CA5B: variants seen among roughly 807,000 people sequenced by gnomAD.
CA5B encodes the protein carbonic anhydrase 5B, mitochondrial.
A neutral mutation model predicts 23.1 loss-of-function variants in CA5B; 15 were observed. That is an observed-to-expected ratio of 0.65 (90% confidence interval 0.43 to 1.00). The LOEUF (loss-of-function observed/expected upper bound fraction) is 1.00, where lower values mean the gene tolerates loss of function less well. CA5B is among the 50% of genes least tolerant of loss of function. The probability of loss-of-function intolerance (pLI) is 0.00; values close to 1 mark genes in which losing one functional copy is unlikely to be tolerated. For missense variants in CA5B, 236 were observed against 252.2 expected (o/e 0.94, Z 0.43); for synonymous variants, 84 against 98.5 (o/e 0.85, Z 0.87).
At chrX:15,767,019 G>A in intron 3 of CA5B, 6 of 644,314 alleles carry the variant, frequency 9.3e-6, no homozygotes, top group Non-Finnish European at 1.1e-5. Flanking sequence ...TGACTGTCTG[G>A]CACTCTGGTG....
At chrX:15,781,247 G>A (rs959081708) in intron 7 of CA5B, among the ~76,000 whole-genome samples, 2 of 111,100 alleles carry the variant, frequency 1.8e-5, no homozygotes, top group Non-Finnish European at 3.8e-5. Context: ...AAAGTGCTGG[G>A]ATTACAAATG....
In CA5B at chrX:15,741,618, G is replaced by A. The variant is rs765564157; in HGVS notation, c.-54+3266G>A. On this transcript the variant is annotated intron_variant, in intron 1 of 7. Transcript: ENST00000318636. ...CTCAGCCTCCCGAGTACAGGCGCCC[G>A]CCACCACGCCTGGCTCATTTTTGTA... 4.2e-3 allele frequency among the ~76,000 whole-genome samples: 464 copies of A among 109,365 alleles called. 2 individuals carry two copies. The highest frequency in any genetic ancestry group is 0.014 in the Middle Eastern group (3 of 211). The allele number at this position is 109,365 out of a possible 115,157, so 95.0% of individuals were successfully genotyped here.
chrX:15,764,663 T>C lies in CA5B; in HGVS notation c.228T>C (p.Tyr76=), dbSNP rs978374995. ...ACATTCGGTGGAGGGACAGTGTTTATGATCCCGGCTTAAAACCACTGACCA... is the reference window on the plus strand; with the variant it reads ...ACATTCGGTGGAGGGACAGTGTTTACGATCCCGGCTTAAAACCACTGACCA... ...PINIRWRDSV[Y]DPGLKPLTIS... Residue 76 remains tyrosine, a synonymous_variant, in exon 3 of 8, where the codon TAT becomes TAC. Coordinates refer to ENST00000318636, the MANE Select transcript of CA5B (RefSeq NM_007220.4). 13 of 1,198,219 alleles carry C rather than the reference T, an allele frequency of 1.1e-5. No homozygotes were observed. The African/African-American group carries it at 2.1e-4, about 20-fold the overall frequency.
chrX:15,750,028 T>C lies in CA5B; in HGVS notation c.5T>C (p.Val2Ala). 8.3e-7 allele frequency: 1 copy of C among 1,208,749 alleles called. No homozygotes were observed. ...GATCAAGATTTCAAGCTAAAGATGG[T>C]GGTGATGAACAGCCTGAGGGTCATT... Reference protein sequence around the residue: MVVMNSLRVILQ... With the variant: MAVMNSLRVILQ... Residue 2 changes from valine (V) to alanine (A), a missense_variant, in exon 2 of 8, where the codon GTG (valine) becomes GCG (alanine). Physicochemically the swap from Val to Ala is moderately conservative, Grantham distance 64. Coordinates refer to ENST00000318636, the MANE Select transcript of CA5B (RefSeq NM_007220.4).
At chrX:15,750,837 G>A (rs1718067286) in intron 2 of CA5B, among the ~76,000 whole-genome samples, 1 of 111,829 alleles carries the variant, frequency 8.9e-6, no homozygotes, top group Admixed American at 9.5e-5. Flanking sequence ...GGATGTGGCA[G>A]GGATTCTCCA....
intron 2 of CA5B, among the ~76,000 whole-genome samples, chrX:15,752,724 CAAA>C (rs35355387): frequency 1.1e-5 from 1 of 93,271 alleles, no homozygotes; most frequent in Non-Finnish European, 2.2e-5. Context: ...GACTCTGTCT[CAAA>C]AAAAAAAAAA....
intron 3 of CA5B, among the ~76,000 whole-genome samples, chrX:15,771,260 A>C (rs1423875612): frequency 9.8e-6 from 1 of 101,773 alleles, no homozygotes; most frequent in East Asian, 3.2e-4. Context: ...AGTCCCAACT[A>C]CTCAGGAGAC....
At chrX:15,777,000 T>C in intron 7 of CA5B, 131 bp downstream of exon 7, 1 of 495,969 alleles carries the variant, frequency 2.0e-6, no homozygotes, top group Non-Finnish European at 3.2e-6. Context: ...TGTACCAACG[T>C]CTTGTCTCAG....
chrX:15,775,402 A>C, intron 6 of CA5B, 94 bp downstream of exon 6: 2 of 1,088,831 alleles, frequency 1.8e-6, no homozygotes, highest in East Asian at 6.5e-5. Flanking sequence ...TGGGAAGTTT[A>C]ATTAGGTGAA....
At chrX:15,754,889 C>G (rs1931457870) in intron 2 of CA5B, among the ~76,000 whole-genome samples, 1 of 111,971 alleles carries the variant, frequency 8.9e-6, no homozygotes, top group Non-Finnish European at 1.9e-5. Flanking sequence ...AGCCACTAAC[C>G]CCATGTGGGT....
intron 6 of CA5B, among the ~76,000 whole-genome samples, chrX:15,776,326 G>A (rs193256905): frequency 0.015 from 1,234 of 84,066 alleles, 24 homozygotes; most frequent in African/African-American, 0.054. Context: ...GCGACAGAGC[G>A]AGACTCTGTC....
intron 3 of CA5B, chrX:15,767,134 T>C: frequency 1.2e-6 from 1 of 807,978 alleles, no homozygotes; most frequent in Non-Finnish European, 1.5e-6. Context: ...TTACTCTGCA[T>C]GCATAGTAAT....
rs780381682 is a variant in CA5B, at chrX:15,764,644, G to A, written c.209G>A (p.Arg70Gln). Reference protein sequence around the residue: ...GGDRQSPINIRWRDSVYDPGL... With the variant: ...GGDRQSPINIQWRDSVYDPGL... ...GATCGCCAGTCACCCATCAACATTC[G>A]GTGGAGGGACAGTGTTTATGATCCC... The change falls in exon 3 of 8, where the codon CGG becomes CAG. Residue 70 changes from arginine (R) to glutamine (Q), a missense_variant. Transcript: ENST00000318636. 90 of 1,187,967 alleles carry A rather than the reference G, an allele frequency of 7.6e-5. No homozygotes were observed. Among genetic ancestry groups the A allele is most frequent in the Non-Finnish European group, 9.6e-5 (85 of 885,422 alleles).
intron 2 of CA5B, among the ~76,000 whole-genome samples, chrX:15,751,755 A>T (rs989535543): frequency 1.8e-5 from 2 of 111,218 alleles, no homozygotes; most frequent in African/African-American, 6.5e-5. Flanking sequence ...TTTTGTTTGT[A>T]GCATATTATA....
At chrX:15,748,316 C>G (rs375483539) in intron 1 of CA5B, among the ~76,000 whole-genome samples, 24 of 111,748 alleles carry the variant, frequency 2.1e-4, no homozygotes, top group African/African-American at 6.8e-4. Flanking sequence ...ACAGGCTGCT[C>G]TTTGTTAGGA....
chrX:15,757,473 G>A (rs542591430), intron 2 of CA5B, among the ~76,000 whole-genome samples: 2 of 111,350 alleles, frequency 1.8e-5, no homozygotes, highest in East Asian at 2.8e-4. Flanking sequence ...CTGAGATCAC[G>A]CCACTGCACT....
chrX:15,774,904 C>G (rs1396462893), intron 5 of CA5B, among the ~76,000 whole-genome samples: 1 of 112,351 alleles, frequency 8.9e-6, no homozygotes, highest in Non-Finnish European at 1.9e-5. Context: ...AGAGTGGTCA[C>G]AAGCCACATG....
intron 6 of CA5B, 143 bp from the exon 7 acceptor site, chrX:15,776,571 C>CA (rs1931934897): frequency 2.2e-6 from 1 of 453,953 alleles, no homozygotes; most frequent in Non-Finnish European, 3.9e-6. Context: ...AGCGATTCTT[C>CA]AGGTAGCTGC....
intron 3 of CA5B, among the ~76,000 whole-genome samples, chrX:15,768,010 C>T (rs746288032): frequency 8.7e-4 from 93 of 107,259 alleles, no homozygotes; most frequent in African/African-American, 3.0e-3. Flanking sequence ...GCAATTATCC[C>T]GCCTCAGCCT....
Sources: allele counts gnomAD v4.1 joint callset (sites outside exome capture counted in the v4.1 genomes callset), GRCh38; gene constraint gnomAD v4.1.1; transcripts MANE v1.5; gene names NCBI Gene and HGNC (gene_info 2026-07-23, HGNC 2026-07-21).